VPS37D: variants seen among roughly 807,000 people sequenced by gnomAD.
The protein encoded by VPS37D is VPS37D subunit of ESCRT-I.
VPS37D carries 5 observed loss-of-function variants against 22.0 expected under a neutral mutation model. The observed-to-expected ratio is 0.23, with a 90% CI of 0.12 to 0.48. The LOEUF is 0.48. VPS37D is among the 20% of genes least tolerant of loss of function. The probability of loss-of-function intolerance (pLI) is 0.99; values close to 1 mark genes in which losing one functional copy is unlikely to be tolerated. For synonymous variants in VPS37D, 174 were observed against 159.3 expected (o/e 1.09, Z -0.69); for missense variants, 384 against 345.8 (o/e 1.11, Z -0.88).
At chr7:73,668,303 G>C (rs1289646298) in intron 1 of VPS37D, among the ~76,000 whole-genome samples, 1 of 151,992 alleles carries the variant, frequency 6.6e-6, no homozygotes, top group South Asian at 2.1e-4. Context: ...GGGACCCGAG[G>C]GGGGCGCCTG....
In VPS37D at chr7:73,669,434, C is replaced by T; in HGVS notation, c.154C>T (p.Leu52=). Residue 52 remains leucine, a synonymous_variant, in exon 2 of 4, where the codon CTG becomes TTG. Coordinates refer to ENST00000324941, the MANE Select transcript of VPS37D (RefSeq NM_001077621.2). ...CTGCCCGCAGTTCCAGGGCCTGCAG[C>T]TGGAGCGTGAGGCCTGCCTGGCCTC... ...RLSRKFQGLQ[L]EREACLASNY... 7.7e-6 allele frequency: 12 copies of T among 1,564,892 alleles called. No individual in the cohort carries two copies. The highest frequency in any genetic ancestry group is 7.8e-6 in the Non-Finnish European group (9 of 1,155,300).
chr7:73,669,917 C>G (rs1554609412), intron 2 of VPS37D, 103 bp from the exon 3 acceptor site: 40 of 1,528,204 alleles, frequency 2.6e-5, no homozygotes, highest in Non-Finnish European at 3.3e-5. Context: ...AACTGAGGCT[C>G]TAGACCAGGG....
At position 73,669,296 on chromosome 7, in the gene VPS37D, G is replaced by A. The variant is rs551460557; in HGVS notation, c.139-123G>A. 4.7e-6 allele frequency: 6 copies of A among 1,287,524 alleles called. No individual in the cohort carries two copies. The South Asian group carries it at 7.7e-5, about 17-fold the overall frequency. 79.8% of individuals were successfully genotyped at this position (1,287,524 alleles called of 1,614,324 possible). On this transcript the variant is annotated intron_variant, in intron 1 of 3. Coordinates refer to ENST00000324941, the MANE Select transcript of VPS37D (RefSeq NM_001077621.2). The stretch of plus-strand genomic sequence containing the variant: ...CACCTGTTGGGTTCACCACCCTGAA[G>A]GGGTGCCTGACAGGTGCCTTTGGCC...
chr7:73,670,157 A>G (rs959614399), intron 3 of VPS37D, 55 bp downstream of exon 3: 1 of 1,548,110 alleles, frequency 6.5e-7, no homozygotes, highest in South Asian at 1.2e-5. Flanking sequence ...ATTCTCTGCC[A>G]CCCCCTGGCT....
chr7:73,666,846 T>C (rs1468722616), upstream of VPS37D, among the ~76,000 whole-genome samples: 2 of 152,106 alleles, frequency 1.3e-5, no homozygotes, highest in Admixed American at 1.3e-4. Context: ...CCCAGGCTGG[T>C]CTCAAAACTG....
chr7:73,668,308 C>G (rs904822524), intron 1 of VPS37D, among the ~76,000 whole-genome samples: 3 of 151,496 alleles, frequency 2.0e-5, no homozygotes, highest in African/African-American at 7.3e-5. Flanking sequence ...CCGAGGGGGG[C>G]GCCTGTGCAC....
intron 1 of VPS37D, among the ~76,000 whole-genome samples, 177 bp downstream of exon 1, chr7:73,668,273 C>CTGGGGCGGG (rs1554609025): frequency 6.7e-6 from 1 of 149,498 alleles, no homozygotes; most frequent in Admixed American, 6.6e-5. Context: ...TGGAGCTGGC[C>CTGGGGCGGG]TGGGGCGGGT....
At chr7:73,668,925 G>T (rs1212233277) in intron 1 of VPS37D, among the ~76,000 whole-genome samples, 1 of 151,992 alleles carries the variant, frequency 6.6e-6, no homozygotes, top group South Asian at 2.1e-4. Context: ...GAGGGGACGG[G>T]GTGCAGACAC....
rs1554609820 is a variant in VPS37D, at chr7:73,671,548, A to AGGGGGCTG, written c.*177_*184dup. The AGGGGGCTG allele has an allele frequency of 1.7e-5, 1 of 58,552 alleles. No individual in the cohort carries two copies. Among genetic ancestry groups the AGGGGGCTG allele is most frequent in the African/African-American group, 7.3e-5 (1 of 13,748 alleles). 3.6% of individuals were successfully genotyped at this position (58,552 alleles called of 1,614,324 possible). ...GAGGGTCCCCTGGAAGAGGCCCGAG[A>AGGGGGCTG]GGGGGCTGGGGGTGGGTGGGCAGGG... On this transcript the variant is annotated 3_prime_UTR_variant, in exon 4 of 4. Transcript: ENST00000324941.
rs782071070 is a variant in VPS37D, at chr7:73,671,202, G to A, written c.582G>A (p.Pro194=). 6.9e-6 allele frequency: 11 copies of A among 1,591,184 alleles called. No individual in the cohort carries two copies. The highest frequency in any genetic ancestry group is 1.3e-5 in the African/African-American group (1 of 74,276). ...TSAADPPKSF[P]AAAVLPTGAA... is the part of the protein sequence containing the mutation. ...CTGCTGATCCCCCCAAATCCTTCCCGGCTGCAGCTGTCCTGCCCACTGGGG... is the reference window on the plus strand; with the variant it reads ...CTGCTGATCCCCCCAAATCCTTCCCAGCTGCAGCTGTCCTGCCCACTGGGG... The change falls in exon 4 of 4, where the codon CCG becomes CCA. Residue 194 remains proline (P), a synonymous_variant. Coordinates refer to ENST00000324941, the MANE Select transcript of VPS37D (RefSeq NM_001077621.2).
Position 73,670,014 on chromosome 7 carries a change from C to T in VPS37D, c.311-6C>T. 1 of 1,551,650 alleles carries T rather than the reference C, an allele frequency of 6.4e-7. No homozygotes were observed. The highest frequency in any genetic ancestry group is 1.2e-5 in the South Asian group (1 of 84,060). The stretch of plus-strand genomic sequence containing the variant: ...GTCTGTCACTCTGTCCCTCTGTGGC[C>T]CTCAGAGGAAAGCATGCATCGCTGG... On this transcript the variant is annotated splice_region_variant and splice_polypyrimidine_tract_variant and intron_variant, in intron 2 of 3. Transcript: ENST00000324941.
In VPS37D at chr7:73,671,439, T is replaced by G; in HGVS notation, c.*63T>G. 1.1e-6 allele frequency: 1 copy of G among 901,212 alleles called. No individual in the cohort carries two copies. 55.8% of individuals were successfully genotyped at this position (901,212 alleles called of 1,614,324 possible). On this transcript the variant is annotated 3_prime_UTR_variant, in exon 4 of 4. Coordinates refer to ENST00000324941, the MANE Select transcript of VPS37D (RefSeq NM_001077621.2). The stretch of plus-strand genomic sequence containing the variant: ...AAACTTGATGCGTGGCTCCTCCTCC[T>G]CCCCCACTGCCTGGGTGGGGGGAGG...
Position 73,671,222 on chromosome 7 carries a change from C to A in VPS37D, c.602C>A (p.Thr201Asn), listed in dbSNP as rs782519536. 3 of 1,566,612 alleles carry A rather than the reference C, an allele frequency of 1.9e-6. No homozygotes were observed. The Admixed American group carries it at 5.3e-5, about 28-fold the overall frequency. ...TTCCCGGCTGCAGCTGTCCTGCCCA[C>A]TGGGGCCGCCCGGGGGCCACCAGCA... ...KSFPAAAVLP[T>N]GAARGPPAVP... Residue 201 changes from threonine to asparagine, a missense_variant, in exon 4 of 4, where the codon ACT becomes AAT. Thr to Asn is a moderately conservative substitution (Grantham distance 65, BLOSUM62 0). Coordinates refer to ENST00000324941, the MANE Select transcript of VPS37D (RefSeq NM_001077621.2).
Position 73,671,192 on chromosome 7 carries a change from A to T in VPS37D, c.572A>T (p.Lys191Ile), listed in dbSNP as rs782081660. ...PAPTSAADPP[K>I]SFPAAAVLPT... ...CCCACCTCGGCTGCTGATCCCCCCA[A>T]ATCCTTCCCGGCTGCAGCTGTCCTG... Residue 191 changes from lysine (K) to isoleucine (I), a missense_variant, in exon 4 of 4, where the codon AAA becomes ATA. Lys to Ile is a moderately radical substitution (Grantham distance 102). Coordinates refer to ENST00000324941, the MANE Select transcript of VPS37D (RefSeq NM_001077621.2). The T allele has an allele frequency of 5.0e-6, 8 of 1,597,458 alleles. No homozygotes were observed. The African/African-American group carries it at 8.1e-5, about 16-fold the overall frequency.
At chr7:73,669,708 C>A (rs1797462977) in intron 2 of VPS37D, 118 bp downstream of exon 2, 3 of 981,558 alleles carry the variant, frequency 3.1e-6, no homozygotes, top group African/African-American at 3.9e-5. Flanking sequence ...CTGCTCCTGG[C>A]TTGCTGGGCA....
intron 1 of VPS37D, among the ~76,000 whole-genome samples, chr7:73,668,652 G>T (rs2116627288): frequency 6.6e-6 from 1 of 152,160 alleles, no homozygotes; most frequent in South Asian, 2.1e-4. Context: ...GGCAGAAAGG[G>T]CAAGTGTGTG....
chr7:73,667,878 G>C lies in VPS37D; in HGVS notation c.-81G>C. ...CCGGAGCGGATCCTGGAGCCGGAGC[G>C]GAGCGGAGCGGAGCGGAGCCGGGGC... On this transcript the variant is annotated 5_prime_UTR_variant, in exon 1 of 4. Coordinates refer to ENST00000324941, the MANE Select transcript of VPS37D (RefSeq NM_001077621.2). 2.6e-6 allele frequency: 1 copy of C among 387,678 alleles called. No individual in the cohort carries two copies. The highest frequency in any genetic ancestry group is 3.6e-6 in the Non-Finnish European group (1 of 281,160). The allele number at this position is 387,678 out of a possible 1,614,324, so 24.0% of individuals were successfully genotyped here. A position where few individuals can be genotyped will look rare whatever the true frequency, so the allele number is the denominator to read the frequency against.
At chr7:73,668,786 A>G (rs371159241) in intron 1 of VPS37D, among the ~76,000 whole-genome samples, 6 of 152,002 alleles carry the variant, frequency 3.9e-5, no homozygotes, top group African/African-American at 1.4e-4. Flanking sequence ...AGCCTTCTCC[A>G]GGGCCGGGGC....
rs1797423227 is a variant in VPS37D, at chr7:73,668,112, C to T, written c.138+16C>T. 1.8e-6 allele frequency: 2 copies of T among 1,086,250 alleles called. No individual in the cohort carries two copies. Among genetic ancestry groups the T allele is most frequent in the Admixed American group, 5.3e-5 (1 of 18,804 alleles). 67.3% of individuals were successfully genotyped at this position (1,086,250 alleles called of 1,614,324 possible). A position where few individuals can be genotyped will look rare whatever the true frequency, so the allele number is the denominator to read the frequency against. On this transcript the variant is annotated intron_variant, in intron 1 of 3. Coordinates refer to ENST00000324941, the MANE Select transcript of VPS37D (RefSeq NM_001077621.2). ...CAGCAGGAAGGTAGCGCGGGGGGCT[C>T]GAGCGGGGGGCGCGGGGGACGGGCA...
Sources: allele counts gnomAD v4.1 joint callset (sites outside exome capture counted in the v4.1 genomes callset), GRCh38; gene constraint gnomAD v4.1.1; transcripts MANE v1.5; gene names NCBI Gene and HGNC (gene_info 2026-07-23, HGNC 2026-07-21).